Variants in FER1L6 observed in about 807,000 individuals in gnomAD.
The protein encoded by FER1L6 is fer-1-like protein 6.
In FER1L6, 177 loss-of-function variants were observed where a neutral mutation model predicts 219.2. The observed-to-expected ratio is 0.81, with a 90% confidence interval of 0.71 to 0.91. The LOEUF is 0.91. Ranked by LOEUF, FER1L6 falls within the 40% of genes least tolerant of loss-of-function variation. The pLI is 0.00. For missense variants in FER1L6, 2,153 were observed against 2,259.9 expected (o/e 0.95, Z 0.96); for synonymous variants, 768 against 824.3 (o/e 0.93, Z 1.17).
intron 6 of FER1L6, among the ~76,000 whole-genome samples, chr8:123,972,896 G>A (rs1815886703): frequency 6.6e-6 from 1 of 152,176 alleles, no homozygotes; most frequent in Admixed American, 6.6e-5. Context: ...GCATTAGCAT[G>A]AAAATGGGCT....
At chr8:123,855,327 A>G (rs1459065791) in intron 1 of FER1L6, among the ~76,000 whole-genome samples, 1 of 152,144 alleles carries the variant, frequency 6.6e-6, no homozygotes, top group African/African-American at 2.4e-5. Context: ...TAAAACTGCG[A>G]GCTCCTGGCA....
At chr8:123,979,199 T>C (rs1458969436) in intron 10 of FER1L6, among the ~76,000 whole-genome samples, 5 of 152,220 alleles carry the variant, frequency 3.3e-5, no homozygotes, top group African/African-American at 9.7e-5. Context: ...CAGATTATGA[T>C]ATATTTGCTT....
intron 1 of FER1L6, among the ~76,000 whole-genome samples, chr8:123,905,884 G>A (rs1216901620): frequency 2.0e-5 from 3 of 152,038 alleles, no homozygotes; most frequent in African/African-American, 4.8e-5. Flanking sequence ...AGCAGTCTTA[G>A]GTTTAAACAA....
intron 1 of FER1L6, among the ~76,000 whole-genome samples, chr8:123,884,376 A>T (rs1817162944): frequency 1.3e-5 from 2 of 152,208 alleles, no homozygotes; most frequent in South Asian, 4.1e-4. Flanking sequence ...CAGCTCTGAG[A>T]TCCACACAGG....
chr8:123,961,705 G>C (rs928633385), intron 2 of FER1L6, among the ~76,000 whole-genome samples: 23 of 152,088 alleles, frequency 1.5e-4, no homozygotes, highest in African/African-American at 5.1e-4. Flanking sequence ...CTGAACACAC[G>C]TGCATGTTAT....
At position 124,118,864 on chromosome 8, in the gene FER1L6, C is replaced by A; in HGVS notation, c.5310C>A (p.Phe1770Leu). Residue 1770 changes from phenylalanine (F) to leucine (L), a missense_variant, in exon 40 of 41, where the codon TTC (phenylalanine) becomes TTA (leucine). Coordinates refer to ENST00000522917, the MANE Select transcript of FER1L6 (RefSeq NM_001039112.2). ...TGCAGGGCAAGGTTGAAGCTGAGTT[C>A]CACCTAGTTACAGCAGAAGAAGCTG... is the stretch of plus-strand genomic sequence containing the variant. The part of the protein sequence containing the change: ...KELTGKVEAE[F>L]HLVTAEEAEK... The A allele has an allele frequency of 6.2e-7, 1 of 1,613,882 alleles. No individual in the cohort carries two copies. Among genetic ancestry groups the A allele is most frequent in the South Asian group, 1.1e-5 (1 of 91,064 alleles).
intron 28 of FER1L6, among the ~76,000 whole-genome samples, chr8:124,068,959 C>G (rs572999869): frequency 1.9e-4 from 27 of 145,218 alleles, no homozygotes; most frequent in African/African-American, 5.9e-4. Context: ...TTTTCCGAGA[C>G]GGAGTCTTGC....
intron 22 of FER1L6, among the ~76,000 whole-genome samples, chr8:124,057,246 T>C (rs756650409): frequency 6.6e-6 from 1 of 152,194 alleles, no homozygotes; most frequent in Non-Finnish European, 1.5e-5. Context: ...TTTGTTTGCC[T>C]GGGTTGGAAA....
intron 12 of FER1L6, among the ~76,000 whole-genome samples, chr8:123,989,129 G>T (rs1292253087): frequency 6.6e-6 from 1 of 152,074 alleles, no homozygotes; most frequent in African/African-American, 2.4e-5. Flanking sequence ...GTATCATATT[G>T]ATTTGCGTAC....
intron 1 of FER1L6, among the ~76,000 whole-genome samples, chr8:123,949,140 CCTT>C (rs1200789352): frequency 6.6e-6 from 1 of 152,152 alleles, no homozygotes; most frequent in African/African-American, 2.4e-5. Flanking sequence ...CCAGGATTCT[CCTT>C]CTCTGAAGTC....
chr8:124,040,304 A>AC (rs1819428630), intron 20 of FER1L6: 5 of 396,456 alleles, frequency 1.3e-5, no homozygotes, highest in Non-Finnish European at 2.4e-5. Flanking sequence ...GGCCAAGTGC[A>AC]GTGGGGAAGG....
chr8:123,902,997 A>G (rs145400835), intron 1 of FER1L6, among the ~76,000 whole-genome samples: 332 of 152,286 alleles, frequency 2.2e-3, no homozygotes, highest in Non-Finnish European at 3.9e-3. Context: ...GTTGTTTGGT[A>G]ATGGCAAATT....
chr8:123,864,620 A>G (rs1242355115), intron 1 of FER1L6, among the ~76,000 whole-genome samples: 2 of 149,462 alleles, frequency 1.3e-5, no homozygotes, highest in Non-Finnish European at 2.9e-5. Context: ...AGGTACACCA[A>G]TCAGATGTAG....
intron 27 of FER1L6, 30 bp from the exon 28 acceptor site, chr8:124,067,737 G>A (rs773753809): frequency 6.3e-7 from 1 of 1,583,812 alleles, no homozygotes; most frequent in East Asian, 2.2e-5. Context: ...AAGTATTGTG[G>A]TGTCAATAAT....
intron 12 of FER1L6, 24 bp downstream of exon 12, chr8:123,986,200 C>A: frequency 7.4e-7 from 1 of 1,345,862 alleles, no homozygotes; most frequent in Non-Finnish European, 1.1e-6. Context: ...AGCACAGTGC[C>A]AGGCACATAG....
chr8:124,015,571 CTATATATATATATATATATATA>C lies in FER1L6; in HGVS notation c.1923-2033_1923-2012del, dbSNP rs781161909. Among the ~76,000 whole-genome samples the C allele has an allele frequency of 1.1e-3, 48 of 43,266 alleles. 1 individual carries two copies. Among genetic ancestry groups the C allele is most frequent in the Middle Eastern group, 0.018 (1 of 56 alleles). 28.4% of individuals were successfully genotyped at this position (43,266 alleles called of 152,430 possible). On this transcript the variant is annotated intron_variant, in intron 15 of 40. Transcript: ENST00000522917. The stretch of plus-strand genomic sequence containing the variant: ...TGTTTCTTGTTTTTCATTATAAAAG[CTATATATATATATATATATATA>C]TATATATATATATATATATATATTA...
chr8:123,883,572 C>A (rs758714977), intron 1 of FER1L6, among the ~76,000 whole-genome samples: 15 of 152,166 alleles, frequency 9.9e-5, no homozygotes, highest in Non-Finnish European at 1.6e-4. Context: ...TGTTCAGAAC[C>A]TTTTATGCTA....
At chr8:124,081,443 T>G (rs1821547082) in intron 32 of FER1L6, among the ~76,000 whole-genome samples, 1 of 152,008 alleles carries the variant, frequency 6.6e-6, no homozygotes. Context: ...ATTGGCCTGA[T>G]TGATGATCTT....
Position 123,989,822 on chromosome 8 carries a change from A to G in FER1L6, c.1519+3646A>G, listed in dbSNP as rs139318195. On this transcript the variant is annotated intron_variant, in intron 12 of 40. Transcript: ENST00000522917. ...TTTATCTACTCATTAGTCAATGGGCATTAAGGTTAGTTCCATATCTTTGCA... is the reference window on the plus strand; with the variant it reads ...TTTATCTACTCATTAGTCAATGGGCGTTAAGGTTAGTTCCATATCTTTGCA... Among the ~76,000 whole-genome samples the G allele has an allele frequency of 3.8e-3, 582 of 152,338 alleles. 5 individuals are homozygous for G. The highest frequency in any genetic ancestry group is 0.013 in the African/African-American group (555 of 41,576).
Sources: allele counts gnomAD v4.1 joint callset (sites outside exome capture counted in the v4.1 genomes callset), GRCh38; gene constraint gnomAD v4.1.1; transcripts MANE v1.5; gene names NCBI Gene and HGNC (gene_info 2026-07-23, HGNC 2026-07-21).